CDC16: variants seen among roughly 807,000 people sequenced by gnomAD.
CDC16 encodes the protein cell division cycle 16.
A neutral mutation model predicts 87.0 loss-of-function variants in CDC16; 34 were observed. The observed-to-expected ratio is 0.39, with a 90% CI of 0.30 to 0.52. The LOEUF (loss-of-function observed/expected upper bound fraction) is 0.52. Among genes scored for constraint, CDC16 ranks in the 20% least tolerant of loss-of-function variants. CDC16 has a pLI of 0.74. For synonymous variants in CDC16, 263 were observed against 260.6 expected (o/e 1.01, Z -0.09); for missense variants, 653 against 751.9 (o/e 0.87, Z 1.54).
rs1594578600 is a variant in CDC16, at chr13:114,244,804, CATA to C, written c.768-83_768-81del. 1.8e-5 allele frequency: 14 copies of C among 762,010 alleles called. No homozygotes were observed. The East Asian group carries it at 3.6e-4, about 20-fold the overall frequency. 47.2% of individuals were successfully genotyped at this position (762,010 alleles called of 1,614,324 possible). A position where few individuals can be genotyped will look rare whatever the true frequency, so the allele number is the denominator to read the frequency against. ...CAACCCACAGCATCATATGTGATAC[CATA>C]ATGACTGTCTACACATAGCCGATCG... On this transcript the variant is annotated intron_variant, in intron 8 of 17. Coordinates refer to ENST00000356221, the MANE Select transcript of CDC16 (RefSeq NM_001078645.3).
intron 16 of CDC16, among the ~76,000 whole-genome samples, chr13:114,263,371 C>G (rs1272799637): frequency 6.6e-6 from 1 of 152,196 alleles, no homozygotes; most frequent in Non-Finnish European, 1.5e-5. Flanking sequence ...ATGAACAAAA[C>G]AGTCTCTGCA....
chr13:114,244,861 G>C lies in CDC16; in HGVS notation c.768-29G>C, dbSNP rs1410935344. 4 of 1,493,682 alleles carry C rather than the reference G, an allele frequency of 2.7e-6. No homozygotes were observed. In the Admixed American group the frequency reaches 5.1e-5, roughly 19 times the overall value. 92.5% of individuals were successfully genotyped at this position (1,493,682 alleles called of 1,614,324 possible). ...TGAGTGCTGTCACCTGCTGGTTTGG[G>C]GGTAGTAATGTGTCGCTTTAACTTT... On this transcript the variant is annotated intron_variant, in intron 8 of 17. Coordinates refer to ENST00000356221, the MANE Select transcript of CDC16 (RefSeq NM_001078645.3).
chr13:114,241,988 G>C, intron 5 of CDC16, 133 bp from the exon 6 acceptor site: 1 of 979,520 alleles, frequency 1.0e-6, no homozygotes, highest in Non-Finnish European at 1.5e-6. Flanking sequence ...GGAGTTCAAG[G>C]CTGCAGTGAG....
intron 3 of CDC16, 27 bp downstream of exon 3, chr13:114,236,923 T>A: frequency 7.1e-7 from 1 of 1,412,562 alleles, no homozygotes; most frequent in Non-Finnish European, 9.7e-7. Context: ...ACTTTAAAGC[T>A]CTTCAGAGCT....
chr13:114,241,031 T>A (rs17291111), intron 5 of CDC16, among the ~76,000 whole-genome samples: 5,283 of 152,366 alleles, frequency 0.035, 127 homozygotes, highest in Non-Finnish European at 0.049. Flanking sequence ...ATCTTCTTCA[T>A]ATCCTTAATG....
In CDC16 at chr13:114,244,844, G is replaced by A. The variant is rs1463952299; in HGVS notation, c.768-46G>A. On this transcript the variant is annotated intron_variant, in intron 8 of 17. Coordinates refer to ENST00000356221, the MANE Select transcript of CDC16 (RefSeq NM_001078645.3). ...CACATAGCCGATCGTCGTGAGTGCT[G>A]TCACCTGCTGGTTTGGGGGTAGTAA... is the stretch of plus-strand genomic sequence containing the variant. The A allele has an allele frequency of 5.6e-6, 7 of 1,241,706 alleles. No homozygotes were observed. In the East Asian group the frequency reaches 1.4e-4, roughly 25 times the overall value. The allele number at this position is 1,241,706 out of a possible 1,614,324, so 76.9% of individuals were successfully genotyped here.
intron 12 of CDC16, among the ~76,000 whole-genome samples, chr13:114,251,337 C>T (rs1053554721): frequency 1.4e-4 from 21 of 152,124 alleles, no homozygotes; most frequent in African/African-American, 4.8e-4. Context: ...TTTTAGCCTC[C>T]TGAGAAATAG....
Position 114,257,229 on chromosome 13 carries a change from G to A in CDC16, c.1249G>A (p.Glu417Lys). ...EVGVVAFQNG[E>K]WKTAEKWFLD... is the part of the protein sequence containing the mutation. ...CGGCGTGGTTGCATTTCAGAATGGA[G>A]AGTAAGTACTGGAAGACCAGAAACC... Residue 417 changes from glutamate (E) to lysine (K), a missense_variant and splice_region_variant, in exon 13 of 18, where the codon GAA (glutamate) becomes AAA (lysine). Physicochemically the swap from Glu to Lys is moderately conservative, Grantham distance 56 (BLOSUM62 1). Coordinates refer to ENST00000356221, the MANE Select transcript of CDC16 (RefSeq NM_001078645.3). The A allele has an allele frequency of 6.2e-7, 1 of 1,604,526 alleles. No homozygotes were observed.
chr13:114,242,940 C>G (rs2081630353), intron 6 of CDC16, among the ~76,000 whole-genome samples: 1 of 152,126 alleles, frequency 6.6e-6, no homozygotes, highest in Non-Finnish European at 1.5e-5. Flanking sequence ...TGCTTAGCAC[C>G]TGCAGTACAC....
At chr13:114,271,729 C>A (rs1200740950) in intron 17 of CDC16, among the ~76,000 whole-genome samples, 1 of 152,106 alleles carries the variant, frequency 6.6e-6, no homozygotes, top group Admixed American at 6.5e-5. Context: ...GATCTGCCCG[C>A]CTCGGCCTCC....
At chr13:114,258,067 G>A (rs892313386) in intron 13 of CDC16, among the ~76,000 whole-genome samples, 2 of 152,210 alleles carry the variant, frequency 1.3e-5, no homozygotes, top group Non-Finnish European at 2.9e-5. Flanking sequence ...TTACAGGTGT[G>A]AGCCTCCACG....
intron 12 of CDC16, among the ~76,000 whole-genome samples, chr13:114,252,136 A>AGCCCTGTTGGATAAGAGCCCTACACTG (rs1566659799): frequency 6.8e-6 from 1 of 146,880 alleles, no homozygotes; most frequent in Admixed American, 7.6e-5. Flanking sequence ...GCCCTACACT[A>AGCCCTGTTGGATAAGAGCCCTACACTG]GCCCTGTTGG....
At chr13:114,270,914 CTTTTTTTT>C (rs571053869) in intron 17 of CDC16, among the ~76,000 whole-genome samples, 4 of 101,140 alleles carry the variant, frequency 4.0e-5, no homozygotes, top group African/African-American at 3.8e-5. Flanking sequence ...AGAGATTTAC[CTTTTTTTT>C]TTTTTTTTTT....
chr13:114,243,498 CAA>C, intron 7 of CDC16, 150 bp downstream of exon 7: 2 of 382,360 alleles, frequency 5.2e-6, no homozygotes, highest in Non-Finnish European at 9.4e-6. Context: ...CATAAGATTC[CAA>C]AAAAAAAAAG....
At chr13:114,268,248 T>G (rs938652557) in intron 17 of CDC16, among the ~76,000 whole-genome samples, 13 of 152,056 alleles carry the variant, frequency 8.5e-5, no homozygotes, top group African/African-American at 3.1e-4. Context: ...AAATGAAAAA[T>G]AAATCCCAAA....
chr13:114,237,803 C>A (rs2081328542), intron 3 of CDC16, among the ~76,000 whole-genome samples: 1 of 152,026 alleles, frequency 6.6e-6, no homozygotes, highest in East Asian at 1.9e-4. Context: ...GTCTCTTTTC[C>A]CCAGTAACAG....
chr13:114,240,744 C>A (rs888927375), intron 5 of CDC16, among the ~76,000 whole-genome samples: 1 of 151,998 alleles, frequency 6.6e-6, no homozygotes, highest in Admixed American at 6.5e-5. Context: ...ATTACACATT[C>A]TAGGTTTTTG....
chr13:114,246,875 T>G, intron 10 of CDC16, 56 bp from the exon 11 acceptor site: 1 of 1,061,900 alleles, frequency 9.4e-7, no homozygotes, highest in Non-Finnish European at 1.5e-6. Flanking sequence ...TGTTGCAGAT[T>G]CCAATTAGAT....
chr13:114,241,559 C>T (rs1056625063), intron 5 of CDC16, among the ~76,000 whole-genome samples: 1 of 152,198 alleles, frequency 6.6e-6, no homozygotes, highest in Non-Finnish European at 1.5e-5. Context: ...GGTAATGAAC[C>T]TAGTAGCCGT....
Sources: allele counts gnomAD v4.1 joint callset (sites outside exome capture counted in the v4.1 genomes callset), GRCh38; gene constraint gnomAD v4.1.1; transcripts MANE v1.5; gene names NCBI Gene and HGNC (gene_info 2026-07-23, HGNC 2026-07-21).